The following CSMD1 variants were observed in gnomAD, a reference collection of about 807,000 sequenced individuals.
The protein encoded by CSMD1 is CUB and Sushi multiple domains 1.
CSMD1 carries 213 observed loss-of-function variants against 417.5 expected under a neutral mutation model. The observed-to-expected ratio is 0.51, with a 90% CI of 0.46 to 0.57. The LOEUF (loss-of-function observed/expected upper bound fraction) is 0.57, where lower values mean the gene tolerates loss of function less well. Ranked by LOEUF, CSMD1 falls within the 20% of genes least tolerant of loss-of-function variation. The pLI is 0.00. For missense variants in CSMD1, 6,923 were observed against 4,529.7 expected (o/e 1.53, Z -15.17); for synonymous variants, 2,862 against 1,736.8 (o/e 1.65, Z -16.11).
chr8:3,512,387 G>A (rs1232545261), intron 10 of CSMD1, among the ~76,000 whole-genome samples: 8 of 152,082 alleles, frequency 5.3e-5, no homozygotes. Flanking sequence ...TTACTCGTGT[G>A]TCTCTCCCCA....
chr8:3,085,550 G>C (rs1814464477), intron 49 of CSMD1, among the ~76,000 whole-genome samples: 1 of 152,188 alleles, frequency 6.6e-6, no homozygotes, highest in South Asian at 2.1e-4. Flanking sequence ...CCCTGATCAT[G>C]TTCCCACAGA....
intron 7 of CSMD1, among the ~76,000 whole-genome samples, chr8:3,669,048 G>A (rs941843416): frequency 3.3e-5 from 5 of 152,090 alleles, no homozygotes; most frequent in African/African-American, 7.2e-5. Context: ...ACCTTAACCT[G>A]TCTTCAAAAC....
intron 2 of CSMD1, among the ~76,000 whole-genome samples, chr8:4,615,310 T>A (rs1801413214): frequency 6.6e-6 from 1 of 152,182 alleles, no homozygotes; most frequent in South Asian, 2.1e-4. Flanking sequence ...TTACGCAGTA[T>A]CTTCCCCCAA....
At chr8:3,943,669 T>G (rs1007332912) in intron 5 of CSMD1, among the ~76,000 whole-genome samples, 2 of 151,812 alleles carry the variant, frequency 1.3e-5, no homozygotes, top group East Asian at 3.9e-4. Context: ...TCAACAGGGG[T>G]CCCCTGCTAT....
intron 3 of CSMD1, among the ~76,000 whole-genome samples, chr8:4,215,842 G>A (rs186379653): frequency 6.6e-6 from 1 of 152,196 alleles, no homozygotes; most frequent in East Asian, 1.9e-4. Context: ...CATGGAAAAG[G>A]CAGGGTTTAT....
chr8:4,944,928 G>C (rs1331038513), intron 1 of CSMD1, among the ~76,000 whole-genome samples: 2 of 152,098 alleles, frequency 1.3e-5, no homozygotes, highest in Admixed American at 1.3e-4. Flanking sequence ...GTCGACATCA[G>C]GGTCTCACAG....
intron 11 of CSMD1, among the ~76,000 whole-genome samples, chr8:3,486,762 C>G (rs1818058504): frequency 6.6e-6 from 1 of 152,204 alleles, no homozygotes; most frequent in African/African-American, 2.4e-5. Context: ...CCCCAAGGTC[C>G]CTGACTCTGC....
intron 1 of CSMD1, among the ~76,000 whole-genome samples, chr8:4,672,157 C>G (rs1210591229): frequency 6.6e-6 from 1 of 152,182 alleles, no homozygotes; most frequent in Non-Finnish European, 1.5e-5. Flanking sequence ...AGTGAAATAC[C>G]TGCTGGCTTC....
intron 3 of CSMD1, among the ~76,000 whole-genome samples, chr8:4,249,184 G>C (rs1455776108): frequency 1.3e-5 from 2 of 152,158 alleles, no homozygotes; most frequent in Non-Finnish European, 2.9e-5. Flanking sequence ...ACTACTTGAA[G>C]CTTGATAGTG....
chr8:4,142,573 G>A (rs1239429856), intron 3 of CSMD1, among the ~76,000 whole-genome samples: 2 of 151,152 alleles, frequency 1.3e-5, no homozygotes, highest in Admixed American at 6.6e-5. Context: ...TTTATTATAT[G>A]GTAGAAAAAC....
intron 23 of CSMD1, among the ~76,000 whole-genome samples, chr8:3,323,303 A>G (rs1302757627): frequency 1.3e-5 from 2 of 152,124 alleles, no homozygotes; most frequent in African/African-American, 4.8e-5. Flanking sequence ...TTTACCTTCA[A>G]TAATCTACCC....
intron 3 of CSMD1, among the ~76,000 whole-genome samples, chr8:4,117,868 C>CA (rs1355822175): frequency 7.1e-6 from 1 of 141,504 alleles, no homozygotes; most frequent in Non-Finnish European, 1.5e-5. Flanking sequence ...CAGGGCATGT[C>CA]AAAAACCACA....
At chr8:3,687,364 A>G (rs1172661557) in intron 7 of CSMD1, among the ~76,000 whole-genome samples, 1 of 152,230 alleles carries the variant, frequency 6.6e-6, no homozygotes, top group Non-Finnish European at 1.5e-5. Flanking sequence ...CCTTTCTATT[A>G]AAATCCATGG....
At position 3,543,133 on chromosome 8, in the gene CSMD1, C is replaced by T. The variant is rs928622527; in HGVS notation, c.1344+31812G>A. On this transcript the variant is annotated intron_variant, in intron 10 of 69. Transcript: ENST00000635120. Reference sequence around the variant, plus strand: ...ATCTGTGCATCCTGAAGGATGATCCCAGACAGAGAGAAGGACAAAAGTCAA... The same window carrying T: ...ATCTGTGCATCCTGAAGGATGATCCTAGACAGAGAGAAGGACAAAAGTCAA... Among the ~76,000 whole-genome samples the T allele has an allele frequency of 7.2e-4, 109 of 152,240 alleles. No individual in the cohort carries two copies. Among genetic ancestry groups the T allele is most frequent in the Non-Finnish European group, 8.4e-4 (57 of 68,026 alleles).
chr8:3,373,947 C>T (rs1447384954), intron 18 of CSMD1, among the ~76,000 whole-genome samples: 1 of 110,288 alleles, frequency 9.1e-6, no homozygotes, highest in African/African-American at 3.5e-5. Context: ...GTAAAGCATC[C>T]AACTATTTTT....
intron 3 of CSMD1, among the ~76,000 whole-genome samples, chr8:4,397,160 G>A (rs1220994335): frequency 2.0e-5 from 3 of 151,578 alleles, no homozygotes; most frequent in Non-Finnish European, 4.4e-5. Flanking sequence ...TCATTTCTAC[G>A]TCCATGCATG....
In CSMD1 at chr8:4,736,977, T is replaced by C. The variant is rs1386217097; in HGVS notation, c.86-99419A>G. Among the ~76,000 whole-genome samples, 4 of 152,222 alleles carry C rather than the reference T, an allele frequency of 2.6e-5. No individual in the cohort carries two copies. In the East Asian group the frequency reaches 7.7e-4, roughly 29 times the overall value. On this transcript the variant is annotated intron_variant, in intron 1 of 69. Coordinates refer to ENST00000635120, the MANE Select transcript of CSMD1 (RefSeq NM_033225.6). ...ATTCCATTATTTATTCTCTCATGGC[T>C]GCTTCTTTATAGCTTGATTTTTGCA...
rs11780613 is a variant in CSMD1 at position 2,966,362 on chromosome 8, A to G, written c.9100+208T>C. Among the ~76,000 whole-genome samples, 1,438 of 152,286 alleles carry G rather than the reference A, an allele frequency of 9.4e-3. 10 individuals carry two copies. The highest frequency in any genetic ancestry group is 0.017 in the Middle Eastern group (5 of 294). ...CAATGTTTGACTGAACTGGCCTTTT[A>G]AAGTAGCTTCAGCCATACGAATAAG... On this transcript the variant is annotated intron_variant, in intron 58 of 69. Transcript: ENST00000635120.
intron 1 of CSMD1, among the ~76,000 whole-genome samples, chr8:4,821,896 G>A (rs1799544890): frequency 6.6e-6 from 1 of 152,120 alleles, no homozygotes; most frequent in Admixed American, 6.6e-5. Flanking sequence ...GCTGTAAAAT[G>A]TGTGTAATCA....
Sources: gnomAD v4.1 joint callset for allele counts (sites outside exome capture counted in the v4.1 genomes callset) on GRCh38, gnomAD v4.1.1 for gene constraint, MANE v1.5 for transcripts, NCBI Gene and HGNC (gene_info 2026-07-23, HGNC 2026-07-21) for gene names.